Variants in SRCIN1 observed in about 807,000 individuals in gnomAD.
SRCIN1 encodes the protein SRC kinase signaling inhibitor 1.
SRCIN1 carries 50 observed loss-of-function variants against 116.2 expected under a neutral mutation model. The observed-to-expected ratio is 0.43, with a 90% CI of 0.34 to 0.54. The LOEUF is 0.54. Ranked by LOEUF, SRCIN1 falls within the 20% of genes least tolerant of loss-of-function variation. The pLI is 0.02. For synonymous variants in SRCIN1, 736 were observed against 750.0 expected (o/e 0.98, Z 0.30); for missense variants, 1,446 against 1,672.0 (o/e 0.86, Z 2.36).
intron 1 of SRCIN1, among the ~76,000 whole-genome samples, chr17:38,581,806 T>TAATG: frequency 1.3e-5 from 2 of 152,224 alleles, no homozygotes; most frequent in Admixed American, 1.3e-4. Context: ...GTGGCCTGAA[T>TAATG]AATGCCTCCA....
At chr17:38,574,241 T>A (rs1405475895) in intron 2 of SRCIN1, among the ~76,000 whole-genome samples, 1 of 152,172 alleles carries the variant, frequency 6.6e-6, no homozygotes, top group East Asian at 1.9e-4. Flanking sequence ...CATAGCAATG[T>A]CCAGGCCTAG....
At position 38,558,236 on chromosome 17, in the gene SRCIN1, T is replaced by C; in HGVS notation, c.2192A>G (p.Gln731Arg). ...GCGGGCCCAGCCTCACTTGAGCTGC[T>C]GGGTAATAAGCTCCTCGTCGTTGAG... is the stretch of plus-strand genomic sequence containing the variant. ...RYLNDEELIT[Q>R]QLNDLEKSVE... The change falls in exon 11 of 19, where the codon CAG becomes CGG. Residue 731 changes from glutamine (Q) to arginine (R), a missense_variant. Coordinates refer to ENST00000617146, the MANE Select transcript of SRCIN1 (RefSeq NM_025248.3). The surrounding 1 kb of genome is among the most constrained non-coding windows in gnomAD (Gnocchi z 4.6). The C allele has an allele frequency of 1.2e-6, 2 of 1,611,908 alleles. No homozygotes were observed. Among genetic ancestry groups the C allele is most frequent in the African/African-American group, 1.3e-5 (1 of 74,986 alleles).
Position 38,559,746 on chromosome 17 carries a change from C to T in SRCIN1, c.1864G>A (p.Gly622Arg). The change falls in exon 10 of 19, where the codon GGG becomes AGG. Residue 622 changes from glycine (G) to arginine (R), a missense_variant. Around this residue, in one of 5 missense-constraint regions of SRCIN1, gnomAD observed 398 missense variants for 385.6 expected, o/e 1.03. Transcript: ENST00000617146. ...GGCGGGCCGGACACCGGGGTGGCCC[C>T]GCTGCTCCGGCCGCCTGACCCACAG... is the stretch of plus-strand genomic sequence containing the variant. Reference protein sequence around the residue: ...APCGSGGRSSGATPVSGPPPP... With the variant: ...APCGSGGRSSRATPVSGPPPP... The T allele has an allele frequency of 6.5e-7, 1 of 1,532,334 alleles. No homozygotes were observed. The highest frequency in any genetic ancestry group is 8.7e-7 in the Non-Finnish European group (1 of 1,148,950). 94.9% of individuals were successfully genotyped at this position (1,532,334 alleles called of 1,614,324 possible).
intron 1 of SRCIN1, among the ~76,000 whole-genome samples, chr17:38,591,461 C>T (rs1231380203): frequency 6.6e-6 from 1 of 152,190 alleles, no homozygotes; most frequent in East Asian, 1.9e-4. Context: ...CCCCTCTTGG[C>T]TGCTGGCCTT....
intron 10 of SRCIN1, chr17:38,559,303 G>A (rs1221150254): frequency 1.9e-6 from 1 of 521,346 alleles, no homozygotes; most frequent in Non-Finnish European, 3.4e-6. Context: ...GGGGCTCCAG[G>A]AGGGCGATGG....
Position 38,551,214 on chromosome 17 carries a change from T to C in SRCIN1, c.2903A>G (p.Lys968Arg), listed in dbSNP as rs755404819. The C allele has an allele frequency of 1.6e-5, 26 of 1,603,076 alleles. No individual in the cohort carries two copies. In the Admixed American group the frequency reaches 4.3e-4, roughly 27 times the overall value. ...PAPTPDHKPPKAPHGQKAAPR... is the reference protein window; with the variant it reads ...PAPTPDHKPPRAPHGQKAAPR... ...GGCTGCCTTCTGGCCGTGGGGGGCC[T>C]TGGGGGGCTTGTGATCTGGAGTGGG... is the stretch of plus-strand genomic sequence containing the variant. The change falls in exon 15 of 19, where the codon AAG becomes AGG. Residue 968 changes from lysine (K) to arginine (R), a missense_variant. Physicochemically the swap from Lys to Arg is conservative, Grantham distance 26. Around this residue, in one of 5 missense-constraint regions of SRCIN1, gnomAD observed 531 missense variants for 633.9 expected, o/e 0.84. Coordinates refer to ENST00000617146, the MANE Select transcript of SRCIN1 (RefSeq NM_025248.3).
At chr17:38,567,363 G>A (rs920280121) in intron 3 of SRCIN1, among the ~76,000 whole-genome samples, 11 of 152,200 alleles carry the variant, frequency 7.2e-5, no homozygotes, top group African/African-American at 2.7e-4. Flanking sequence ...CTGGCTCTTG[G>A]GTCCATGCGC....
At chr17:38,553,496 C>T (rs1425564877) in intron 11 of SRCIN1, among the ~76,000 whole-genome samples, 1 of 152,006 alleles carries the variant, frequency 6.6e-6, no homozygotes, top group African/African-American at 2.4e-5. Flanking sequence ...TTCAAAGAAC[C>T]AGAGGCAGAG....
At chr17:38,551,514 C>T (rs748860413) in intron 14 of SRCIN1, 125 bp from the exon 15 acceptor site, 1 of 851,030 alleles carries the variant, frequency 1.2e-6, no homozygotes, top group Non-Finnish European at 1.8e-6. Context: ...TTTGATCCCA[C>T]CTCCAGGAAG....
intron 1 of SRCIN1, among the ~76,000 whole-genome samples, chr17:38,580,156 T>C (rs532233800): frequency 6.6e-6 from 1 of 151,346 alleles, no homozygotes; most frequent in South Asian, 2.1e-4. Flanking sequence ...GCTACAAGCC[T>C]CCTCCCGCCA....
Position 38,562,333 on chromosome 17 carries a change from G to A in SRCIN1, c.835-5C>T. 6.9e-7 allele frequency: 1 copy of A among 1,452,972 alleles called. No homozygotes were observed. The highest frequency in any genetic ancestry group is 1.4e-5 in the South Asian group (1 of 73,502). The allele number at this position is 1,452,972 out of a possible 1,614,324, so 90.0% of individuals were successfully genotyped here. On this transcript the variant is annotated splice_polypyrimidine_tract_variant and splice_region_variant and intron_variant, in intron 6 of 18. Transcript: ENST00000617146. This position sits in a 1 kb window ranked among gnomAD's most constrained non-coding sequence, Gnocchi z 4.2. ...CGATGCGTACACCATCTCTCTCTGC[G>A]CAGAAGACAGCCCGGAACCCCACGG...
chr17:38,572,144 C>A lies in SRCIN1; in HGVS notation c.325-3913G>T, dbSNP rs538729048. ...GGGAGGGCAACCCACGGGTCCACACCGGCTCCTTAATCCCCTGGCTGTGCT... is the reference window on the plus strand; with the variant it reads ...GGGAGGGCAACCCACGGGTCCACACAGGCTCCTTAATCCCCTGGCTGTGCT... On this transcript the variant is annotated intron_variant, in intron 2 of 18. Transcript: ENST00000617146. The surrounding 1 kb of genome is among the most constrained non-coding windows in gnomAD (Gnocchi z 4.3). Among the ~76,000 whole-genome samples, 13 of 152,300 alleles carry A rather than the reference C, an allele frequency of 8.5e-5. No homozygotes were observed. The East Asian group carries it at 2.5e-3, about 29-fold the overall frequency.
At chr17:38,559,162 G>A (rs951058150) in intron 10 of SRCIN1, 16 of 207,980 alleles carry the variant, frequency 7.7e-5, no homozygotes, top group Non-Finnish European at 1.4e-4. Context: ...GAGACTGTTG[G>A]GGCTCAGGAG....
chr17:38,551,766 T>C lies in SRCIN1; in HGVS notation c.2727+120A>G, dbSNP rs546783883. 7.8e-6 allele frequency: 12 copies of C among 1,542,812 alleles called. No individual in the cohort carries two copies. In the East Asian group the frequency reaches 2.5e-4, roughly 32 times the overall value. On this transcript the variant is annotated intron_variant, in intron 14 of 18. Transcript: ENST00000617146. ...GCTTCTTAGGCTTCCATTAGGGCAC[T>C]GGCCCTCCTCCCCCAAGGAAAAAGA... is the stretch of plus-strand genomic sequence containing the variant.
At chr17:38,556,828 T>C (rs1186627383) in intron 11 of SRCIN1, among the ~76,000 whole-genome samples, 3 of 152,234 alleles carry the variant, frequency 2.0e-5, no homozygotes, top group Admixed American at 1.3e-4. Flanking sequence ...CAAACACTTA[T>C]AATGACGGTA....
At chr17:38,601,164 G>A (rs1908999667) in intron 1 of SRCIN1, 1 of 152,328 alleles carries the variant, frequency 6.6e-6, no homozygotes, top group Non-Finnish European at 1.5e-5. Flanking sequence ...AAAGAGGCCC[G>A]CGCTGGGATG....
chr17:38,597,220 T>G (rs890898398), intron 1 of SRCIN1, among the ~76,000 whole-genome samples: 1 of 152,234 alleles, frequency 6.6e-6, no homozygotes, highest in Non-Finnish European at 1.5e-5. Context: ...CATTGATGTG[T>G]CTAGCCCCAG....
chr17:38,577,094 C>T (rs1161056397), intron 2 of SRCIN1, among the ~76,000 whole-genome samples: 1 of 152,208 alleles, frequency 6.6e-6, no homozygotes, highest in Non-Finnish European at 1.5e-5. Context: ...AAACAACATT[C>T]TTTCCTTTAG....
chr17:38,584,031 C>T (rs1344796500), intron 1 of SRCIN1, among the ~76,000 whole-genome samples: 4 of 152,166 alleles, frequency 2.6e-5, no homozygotes, highest in Non-Finnish European at 5.9e-5. Flanking sequence ...ATCTAGCAAG[C>T]GGATCCAGGC....
Sources: gnomAD v4.1 joint callset for allele counts (sites outside exome capture counted in the v4.1 genomes callset) on GRCh38, gnomAD v4.1.1 for gene constraint, gnomAD v4.1.1 regional missense constraint, Gnocchi (gnomAD v3.1) non-coding constraint, MANE v1.5 for transcripts, NCBI Gene and HGNC (gene_info 2026-07-23, HGNC 2026-07-21) for gene names.